NF1: variants seen among roughly 807,000 people sequenced by gnomAD.
The protein encoded by NF1 is neurofibromin.
NF1 carries 122 observed loss-of-function variants against 325.7 expected under a neutral mutation model. The observed-to-expected ratio is 0.37, with a 90% CI of 0.32 to 0.44. The LOEUF is 0.44. Among genes scored for constraint, NF1 ranks in the 20% least tolerant of loss-of-function variants. The pLI is 1.00. For missense variants in NF1, 2,140 were observed against 3,415.4 expected (o/e 0.63, Z 9.31); for synonymous variants, 1,091 against 1,186.0 (o/e 0.92, Z 1.65).
In NF1 at chr17:31,350,654, G is replaced by A. The variant is rs562127565; in HGVS notation, c.7457+336G>A. ...ACGCGAAATATAAACAACACATTAC[G>A]TGCTTGGATAGAGAACGAATCTATA... On this transcript the variant is annotated intron_variant, in intron 50 of 57. Transcript: ENST00000358273. Among the ~76,000 whole-genome samples the A allele has an allele frequency of 2.6e-5, 4 of 152,284 alleles. No homozygotes were observed. In the East Asian group the frequency reaches 5.8e-4, roughly 22 times the overall value.
Position 31,330,824 on chromosome 17 carries a change from G to A in NF1, c.5812+326G>A, listed in dbSNP as rs1190292967. On this transcript the variant is annotated intron_variant, in intron 39 of 57. Transcript: ENST00000358273. The stretch of plus-strand genomic sequence containing the variant: ...CAGCATTTCTCTTCATAGCAGAAAA[G>A]TCCACATAAGTATCCATGTTGCCTC... 4.1e-6 allele frequency: 1 copy of A among 243,782 alleles called. No individual in the cohort carries two copies. The highest frequency in any genetic ancestry group is 5.1e-5 in the Admixed American group (1 of 19,766). 15.1% of individuals were successfully genotyped at this position (243,782 alleles called of 1,614,324 possible).
At chr17:31,182,983 C>A (rs991146092) in intron 8 of NF1, 8 of 568,988 alleles carry the variant, frequency 1.4e-5, no homozygotes, top group Non-Finnish European at 2.5e-5. Flanking sequence ...CAAGGATTGC[C>A]CTACTTGAGT....
chr17:31,223,612 G>A lies in NF1; in HGVS notation c.1845+45G>A, dbSNP rs116688303. On this transcript the variant is annotated intron_variant, in intron 16 of 57. Coordinates refer to ENST00000358273, the MANE Select transcript of NF1 (RefSeq NM_001042492.3). ...TAAAAAATGGAAGAATATTTGGAAT[G>A]GTAATGGTGAGAGATTACTAAAGTG... is the stretch of plus-strand genomic sequence containing the variant. The A allele has an allele frequency of 5.0e-4, 790 of 1,581,306 alleles. 5 individuals are homozygous for A. In the African/African-American group the frequency reaches 9.6e-3, roughly 19 times the overall value.
At chr17:31,226,760 G>A (rs1233663113) in intron 18 of NF1, 76 bp downstream of exon 18, 2 of 1,587,088 alleles carry the variant, frequency 1.3e-6, no homozygotes, top group South Asian at 1.1e-5. Context: ...ATGTATTTAA[G>A]GTCACTACTT....
rs17886063 is a variant in NF1, at chr17:31,162,170, A to G, written c.289-1016A>G. On this transcript the variant is annotated intron_variant, in intron 3 of 57. Coordinates refer to ENST00000358273, the MANE Select transcript of NF1 (RefSeq NM_001042492.3). ...TAAGGCAGCTGGCCCACTTAAAGTCATGGGAAATAAGAGTGGTGAATATGG... is the reference window on the plus strand; with the variant it reads ...TAAGGCAGCTGGCCCACTTAAAGTCGTGGGAAATAAGAGTGGTGAATATGG... 6.7e-3 allele frequency among the ~76,000 whole-genome samples: 1,025 copies of G among 151,920 alleles called. 16 individuals carry two copies. The highest frequency in any genetic ancestry group is 0.023 in the African/African-American group (958 of 41,444).
At chr17:31,295,430 G>A in intron 36 of NF1, 1 of 1,614,096 alleles carries the variant, frequency 6.2e-7, no homozygotes, top group Non-Finnish European at 8.5e-7. Flanking sequence ...GGGTATTTTG[G>A]TCACTTTGGG....
chr17:31,269,008 ATTTT>A (rs111463785), intron 36 of NF1, among the ~76,000 whole-genome samples: 1 of 148,164 alleles, frequency 6.7e-6, no homozygotes, highest in East Asian at 2.0e-4. Context: ...ACCTGGCCTA[ATTTT>A]TTTTTTTAGT....
chr17:31,338,599 A>G (rs1045968007), intron 45 of NF1, 105 bp from the exon 46 acceptor site: 12 of 768,244 alleles, frequency 1.6e-5, no homozygotes, highest in Admixed American at 4.0e-5. Context: ...TCATTCTAGC[A>G]TTTATTAAAT....
chr17:31,272,915 T>G (rs911476896), intron 36 of NF1: 2 of 152,202 alleles, frequency 1.3e-5, no homozygotes, highest in African/African-American at 2.4e-5. Context: ...TCCCTTTCTT[T>G]GTTGTCAACA....
Position 31,374,546 on chromosome 17 carries a change from C to T in NF1, c.*391C>T, listed in dbSNP as rs886993530. ...CTGCCTTCTGTGGTTTTCCCTTCTT[C>T]ATCCTACAGAGTAAAGTGTTAGTCC... is the stretch of plus-strand genomic sequence containing the variant. On this transcript the variant is annotated 3_prime_UTR_variant, in exon 58 of 58. Coordinates refer to ENST00000358273, the MANE Select transcript of NF1 (RefSeq NM_001042492.3). 5 of 394,130 alleles carry T rather than the reference C, an allele frequency of 1.3e-5. No homozygotes were observed. Among genetic ancestry groups the T allele is most frequent in the Non-Finnish European group, 2.4e-5 (5 of 211,970 alleles). The allele number at this position is 394,130 out of a possible 1,614,324, so 24.4% of individuals were successfully genotyped here.
rs2065791450 is a variant in NF1 at position 31,163,168 on chromosome 17, T to C, written c.289-18T>C. The C allele has an allele frequency of 6.2e-7, 1 of 1,611,678 alleles. No homozygotes were observed. Among genetic ancestry groups the C allele is most frequent in the Non-Finnish European group, 8.5e-7 (1 of 1,177,936 alleles). ...GGTAAAATTAAAGTTTAGAATAATGTGATTATTTCTATTTTAGCAACCAAA... is the reference window on the plus strand; with the variant it reads ...GGTAAAATTAAAGTTTAGAATAATGCGATTATTTCTATTTTAGCAACCAAA... On this transcript the variant is annotated intron_variant, in intron 3 of 57. Transcript: ENST00000358273.
intron 1 of NF1, among the ~76,000 whole-genome samples, chr17:31,127,687 C>T (rs530215441): frequency 1.3e-5 from 2 of 151,846 alleles, no homozygotes; most frequent in Non-Finnish European, 2.9e-5. Context: ...TAGTCTCAGC[C>T]TCCCAAAGTG....
At chr17:31,296,317 T>C in intron 36 of NF1, 1 of 1,614,040 alleles carries the variant, frequency 6.2e-7, no homozygotes, top group South Asian at 1.1e-5. Context: ...ACATTTTCAA[T>C]ATCTGATATT....
chr17:31,291,892 G>A (rs1225028017), intron 36 of NF1, among the ~76,000 whole-genome samples: 2 of 152,210 alleles, frequency 1.3e-5, no homozygotes, highest in Non-Finnish European at 2.9e-5. Context: ...CTCTCAGTGT[G>A]TAGAGCTGAA....
At chr17:31,227,679 C>A (rs2067041029) in intron 20 of NF1, 73 bp downstream of exon 20, 2 of 1,332,390 alleles carry the variant, frequency 1.5e-6, no homozygotes, top group African/African-American at 1.4e-5. Flanking sequence ...GATAATCTTT[C>A]AAGAGTCGCT....
chr17:31,140,576 A>G (rs1916140153), intron 1 of NF1, among the ~76,000 whole-genome samples: 1 of 152,252 alleles, frequency 6.6e-6, no homozygotes, highest in African/African-American at 2.4e-5. Context: ...TCAAAAGTAT[A>G]GCTAGGGCAA....
chr17:31,228,829 T>C (rs1443553907), intron 20 of NF1, among the ~76,000 whole-genome samples, 196 bp from the exon 21 acceptor site: 1 of 152,234 alleles, frequency 6.6e-6, no homozygotes, highest in East Asian at 1.9e-4. Flanking sequence ...GACACTCGGC[T>C]GATTATATTA....
At chr17:31,301,214 C>G (rs935355917) in intron 36 of NF1, among the ~76,000 whole-genome samples, 1 of 151,972 alleles carries the variant, frequency 6.6e-6, no homozygotes, top group African/African-American at 2.4e-5. Context: ...GATTTTGAGT[C>G]TCAGCTAGGA....
At chr17:31,183,898 T>C (rs1211666342) in intron 8 of NF1, among the ~76,000 whole-genome samples, 1 of 152,198 alleles carries the variant, frequency 6.6e-6, no homozygotes, top group East Asian at 1.9e-4. Flanking sequence ...GGACTGGCTC[T>C]TCTTGCCTCT....
Sources: gnomAD v4.1 joint callset for allele counts (sites outside exome capture counted in the v4.1 genomes callset) on GRCh38, gnomAD v4.1.1 for gene constraint, MANE v1.5 for transcripts, NCBI Gene and HGNC (gene_info 2026-07-23, HGNC 2026-07-21) for gene names.